ADAM12: variants seen among roughly 807,000 people sequenced by gnomAD.
The protein encoded by ADAM12 is disintegrin and metalloproteinase domain-containing protein 12.
In ADAM12, 70 loss-of-function variants were observed where a neutral mutation model predicts 106.4. The observed-to-expected ratio is 0.66, with a 90% confidence interval of 0.54 to 0.80. The LOEUF is 0.80. ADAM12 is among the 30% of genes least tolerant of loss of function. The probability of loss-of-function intolerance (pLI) is 0.00; values close to 1 mark genes in which losing one functional copy is unlikely to be tolerated. For synonymous variants in ADAM12, 420 were observed against 433.5 expected, an observed-to-expected ratio of 0.97 and a Z score of 0.39; for missense variants, 1,010 against 1,171.9, an observed-to-expected ratio of 0.86 and a Z score of 2.02.
chr10:126,193,029 A>C (rs555233246), intron 3 of ADAM12, among the ~76,000 whole-genome samples: 1 of 152,178 alleles, frequency 6.6e-6, no homozygotes, highest in East Asian at 1.9e-4. Flanking sequence ...ACTTTGGAAG[A>C]CCAAGGTGGG....
At chr10:126,264,790 C>G (rs4962543) in intron 3 of ADAM12, among the ~76,000 whole-genome samples, 42,755 of 151,978 alleles carry the variant, frequency 0.28, 6,424 homozygotes, top group South Asian at 0.42. Context: ...AAGGGACAGG[C>G]TATGTCTAGA....
chr10:126,014,312 G>GTTTTTTTTTTTT lies in ADAM12; in HGVS notation c.*2966_*2967insAAAAAAAAAAAA, dbSNP rs145629858. ...AGAACATTTTGACACAGTTTTAGCC[G>GTTTTTTTTTTTT]GTTTTTTTTTTTTTTTTTTTTTTTT... On this transcript the variant is annotated 3_prime_UTR_variant, in exon 23 of 23. Transcript: ENST00000448723. 1.8e-4 allele frequency: 16 copies of GTTTTTTTTTTTT among 87,662 alleles called. 1 individual carries two copies. Among genetic ancestry groups the GTTTTTTTTTTTT allele is most frequent in the African/African-American group, 5.4e-4 (13 of 23,870 alleles). The allele number at this position is 87,662 out of a possible 1,614,324, so 5.4% of individuals were successfully genotyped here.
At chr10:126,240,788 G>A (rs1021778178) in intron 3 of ADAM12, among the ~76,000 whole-genome samples, 3 of 152,258 alleles carry the variant, frequency 2.0e-5, no homozygotes, top group Admixed American at 6.5e-5. Flanking sequence ...AGCAGGGCAC[G>A]CCGGCCTGGA....
intron 3 of ADAM12, among the ~76,000 whole-genome samples, chr10:126,163,724 C>A (rs1956976589): frequency 6.6e-6 from 1 of 152,214 alleles, no homozygotes; most frequent in Non-Finnish European, 1.5e-5. Flanking sequence ...TGCCAGGATT[C>A]TGTAACAAGA....
At chr10:126,306,274 G>A (rs962949338) in intron 2 of ADAM12, among the ~76,000 whole-genome samples, 4 of 151,738 alleles carry the variant, frequency 2.6e-5, no homozygotes, top group Non-Finnish European at 5.9e-5. Flanking sequence ...ATAAAAATGA[G>A]GATCCCAGAC....
At chr10:126,117,440 G>C (rs1241960248) in intron 6 of ADAM12, among the ~76,000 whole-genome samples, 1 of 152,202 alleles carries the variant, frequency 6.6e-6, no homozygotes, top group African/African-American at 2.4e-5. Context: ...TCCCAGGAGG[G>C]AACTAGGACA....
chr10:126,109,520 C>T (rs1184910871), intron 7 of ADAM12, among the ~76,000 whole-genome samples: 1 of 152,128 alleles, frequency 6.6e-6, no homozygotes, highest in Non-Finnish European at 1.5e-5. Context: ...AGTTAATTCT[C>T]CTTGTTTGGA....
chr10:126,259,726 C>A (rs1328362614), intron 3 of ADAM12, among the ~76,000 whole-genome samples: 1 of 152,168 alleles, frequency 6.6e-6, no homozygotes, highest in Non-Finnish European at 1.5e-5. Context: ...TAAAGTCACT[C>A]TCTGAGAACT....
intron 3 of ADAM12, among the ~76,000 whole-genome samples, chr10:126,195,156 A>G (rs756476392): frequency 1.9e-4 from 29 of 152,204 alleles, no homozygotes; most frequent in African/African-American, 7.0e-4. Context: ...GTTAGGAGGA[A>G]TAAGTTCAAG....
At chr10:126,381,341 TAATAAC>T (rs1348538593) in intron 1 of ADAM12, among the ~76,000 whole-genome samples, 3 of 152,096 alleles carry the variant, frequency 2.0e-5, no homozygotes, top group Non-Finnish European at 4.4e-5. Context: ...GGAATAATTG[TAATAAC>T]AATAATAGGC....
At chr10:126,262,515 T>C (rs1040820126) in intron 3 of ADAM12, among the ~76,000 whole-genome samples, 2 of 152,218 alleles carry the variant, frequency 1.3e-5, no homozygotes, top group African/African-American at 2.4e-5. Flanking sequence ...AAGAGCAGTA[T>C]GATTACCCCT....
At chr10:126,232,767 G>C (rs540249292) in intron 3 of ADAM12, among the ~76,000 whole-genome samples, 3 of 152,314 alleles carry the variant, frequency 2.0e-5, no homozygotes, top group African/African-American at 7.2e-5. Flanking sequence ...ATATAGTTAG[G>C]CAGCCATGAC....
At chr10:126,125,497 C>T (rs1210344762) in intron 5 of ADAM12, among the ~76,000 whole-genome samples, 1 of 152,074 alleles carries the variant, frequency 6.6e-6, no homozygotes. Flanking sequence ...CCAGCCTCGG[C>T]CTCCCAAAGT....
chr10:126,366,098 TA>T (rs2133911675), intron 1 of ADAM12, among the ~76,000 whole-genome samples: 1 of 152,172 alleles, frequency 6.6e-6, no homozygotes, highest in South Asian at 2.1e-4. Flanking sequence ...TCAATATAAG[TA>T]TATAAAAGTG....
chr10:126,201,684 G>C (rs1239959069), intron 3 of ADAM12, among the ~76,000 whole-genome samples: 2 of 152,170 alleles, frequency 1.3e-5, no homozygotes, highest in African/African-American at 4.8e-5. Flanking sequence ...CACCAGATGA[G>C]AGAGTGGTGG....
intron 1 of ADAM12, among the ~76,000 whole-genome samples, chr10:126,383,598 C>G (rs953722245): frequency 4.6e-5 from 7 of 152,014 alleles, no homozygotes; most frequent in African/African-American, 1.7e-4. Context: ...AAAAGATAAT[C>G]ACTTCCAAAA....
At chr10:126,194,572 T>TAAAATGA (rs1957563768) in intron 3 of ADAM12, among the ~76,000 whole-genome samples, 1 of 152,178 alleles carries the variant, frequency 6.6e-6, no homozygotes, top group East Asian at 1.9e-4. Flanking sequence ...TATGCAAGAA[T>TAAAATGA]AAAATGAAAT....
intron 14 of ADAM12, among the ~76,000 whole-genome samples, chr10:126,063,221 C>T (rs1954794031): frequency 6.6e-6 from 1 of 152,192 alleles, no homozygotes; most frequent in Non-Finnish European, 1.5e-5. Context: ...ATCAGAACAA[C>T]TCCTCAGAGG....
rs1242611992 is a variant in ADAM12 at position 126,156,168 on chromosome 10, AC to A, written c.261-864del. Among the ~76,000 whole-genome samples, 3 of 152,280 alleles carry A rather than the reference AC, an allele frequency of 2.0e-5. No homozygotes were observed. The East Asian group carries it at 5.8e-4, about 29-fold the overall frequency. ...AATAGGAACAGCCCCCATCTTGATGACACCACGAGCTGGTAGGGTGATGGTT... is the reference window on the plus strand; with the variant it reads ...AATAGGAACAGCCCCCATCTTGATGAACCACGAGCTGGTAGGGTGATGGTT... On this transcript the variant is annotated intron_variant, in intron 3 of 22. Transcript: ENST00000448723.
Sources: gnomAD v4.1 joint callset for allele counts (sites outside exome capture counted in the v4.1 genomes callset) on GRCh38, gnomAD v4.1.1 for gene constraint, MANE v1.5 for transcripts, NCBI Gene and HGNC (gene_info 2026-07-23, HGNC 2026-07-21) for gene names.